VAV2: variants seen among roughly 807,000 people sequenced by gnomAD.
VAV2 encodes vav guanine nucleotide exchange factor 2, also known as guanine nucleotide exchange factor VAV2.
In VAV2, 67 loss-of-function variants were observed where a neutral mutation model predicts 132.5. The observed-to-expected ratio is 0.51, with a 90% CI of 0.42 to 0.62. The LOEUF is 0.62. Among genes scored for constraint, VAV2 ranks in the 20% least tolerant of loss-of-function variants. The probability of loss-of-function intolerance (pLI) is 0.00; values close to 1 mark genes in which losing one functional copy is unlikely to be tolerated. For missense variants in VAV2, 938 were observed against 1,153.6 expected, an observed-to-expected ratio of 0.81 and a Z score of 2.71; for synonymous variants, 492 against 443.5, an observed-to-expected ratio of 1.11 and a Z score of -1.37.
At chr9:133,874,662 A>G (rs113395479) in intron 2 of VAV2, among the ~76,000 whole-genome samples, 2,703 of 151,062 alleles carry the variant, frequency 0.018, 46 homozygotes, top group African/African-American at 0.028. Flanking sequence ...ACACCACCCC[A>G]CTCTCTACAC....
At chr9:133,917,147 A>G (rs55820454) in intron 2 of VAV2, among the ~76,000 whole-genome samples, 11,082 of 151,280 alleles carry the variant, frequency 0.073, 801 homozygotes, top group African/African-American at 0.19. Context: ...GGCCTATGAC[A>G]GCCTAGCCCT....
At chr9:133,925,893 T>C (rs1588379435) in intron 2 of VAV2, 1 of 151,984 alleles carries the variant, frequency 6.6e-6, no homozygotes, top group East Asian at 1.9e-4. Flanking sequence ...TTGGCTTTTT[T>C]GCTGCAAACA....
chr9:133,791,946 TGGG>T, intron 12 of VAV2, 77 bp from the exon 13 acceptor site: 3 of 376,086 alleles, frequency 8.0e-6, no homozygotes, highest in Non-Finnish European at 1.1e-5. Context: ...CAGGCTGTAC[TGGG>T]TGGGGTGTGT....
At chr9:133,893,414 T>C (rs1839061038) in intron 2 of VAV2, among the ~76,000 whole-genome samples, 1 of 152,110 alleles carries the variant, frequency 6.6e-6, no homozygotes, top group African/African-American at 2.4e-5. Context: ...AGCGCCACGG[T>C]GGGGCAGCGT....
chr9:133,796,697 G>T (rs189611521), intron 10 of VAV2, among the ~76,000 whole-genome samples, 173 bp from the exon 11 acceptor site: 7 of 152,110 alleles, frequency 4.6e-5, no homozygotes, highest in East Asian at 1.9e-4. Flanking sequence ...GTGTGCAGAG[G>T]GGGGGGCTTC....
chr9:133,990,525 G>A (rs1490399629), intron 1 of VAV2, among the ~76,000 whole-genome samples: 2 of 152,154 alleles, frequency 1.3e-5, no homozygotes, highest in Non-Finnish European at 2.9e-5. Context: ...TCCTCTGTGC[G>A]GACCCAGCTG....
At chr9:133,882,006 C>A (rs1485368326) in intron 2 of VAV2, among the ~76,000 whole-genome samples, 2 of 152,186 alleles carry the variant, frequency 1.3e-5, no homozygotes, top group Admixed American at 1.3e-4. Flanking sequence ...AAGGTTTCAA[C>A]CTAGTCTCCA....
At chr9:133,864,332 C>T (rs765027282) in intron 2 of VAV2, among the ~76,000 whole-genome samples, 3 of 152,216 alleles carry the variant, frequency 2.0e-5, no homozygotes, top group Non-Finnish European at 4.4e-5. Flanking sequence ...CCACCTGCAC[C>T]GCCAGCTCCC....
rs751818867 is a variant in VAV2 at position 133,779,884 on chromosome 9, G to C, written c.1762+34C>G. On this transcript the variant is annotated intron_variant, in intron 21 of 29. Transcript: ENST00000371850. ...AGCTCCCAGGTGATGGCTGACATGG[G>C]TGATAGCAGAGGGCCCAGGTCCAGA... 3.7e-6 allele frequency: 6 copies of C among 1,607,868 alleles called. No individual in the cohort carries two copies. In the East Asian group the frequency reaches 1.3e-4, roughly 36 times the overall value.
chr9:133,880,272 C>T (rs924288055), intron 2 of VAV2, among the ~76,000 whole-genome samples: 7 of 152,238 alleles, frequency 4.6e-5, no homozygotes, highest in South Asian at 2.1e-4. Context: ...GCAGGCAGCA[C>T]GGGGAGGGAG....
chr9:133,788,310 A>G lies in VAV2; in HGVS notation c.1407+44T>C. On this transcript the variant is annotated intron_variant, in intron 15 of 29. Transcript: ENST00000371850. The surrounding 1 kb of genome is among the most constrained non-coding windows in gnomAD (Gnocchi z 5.3). Reference sequence around the variant, plus strand: ...GGAACCCAGTGCCTCTCTCCAGGCCACCCCCACGTTCCTGGGTAGCAGGGG... The same window carrying G: ...GGAACCCAGTGCCTCTCTCCAGGCCGCCCCCACGTTCCTGGGTAGCAGGGG... The G allele has an allele frequency of 7.5e-7, 1 of 1,340,236 alleles. No homozygotes were observed. The highest frequency in any genetic ancestry group is 1.0e-6 in the Non-Finnish European group (1 of 1,002,552). The allele number at this position is 1,340,236 out of a possible 1,614,324, so 83.0% of individuals were successfully genotyped here. A position where few individuals can be genotyped will look rare whatever the true frequency, so the allele number is the denominator to read the frequency against.
rs1311910717 is a variant in VAV2 at position 133,776,175 on chromosome 9, C to T, written c.1966-95G>A. On this transcript the variant is annotated intron_variant, in intron 23 of 29. Coordinates refer to ENST00000371850, the MANE Select transcript of VAV2 (RefSeq NM_001134398.2). Reference sequence around the variant, plus strand: ...ATTGTCAGTGACTGCCCTGTCCCCACATTGGCTGCCCTGGAGGGGACTGTC... The same window carrying T: ...ATTGTCAGTGACTGCCCTGTCCCCATATTGGCTGCCCTGGAGGGGACTGTC... The T allele has an allele frequency of 5.9e-6, 9 of 1,524,764 alleles. No homozygotes were observed. The African/African-American group carries it at 1.2e-4, about 21-fold the overall frequency. 94.5% of individuals were successfully genotyped at this position (1,524,764 alleles called of 1,614,324 possible).
rs899553498 is a variant in VAV2 at position 133,942,556 on chromosome 9, G to A, written c.205-3337C>T. Among the ~76,000 whole-genome samples the A allele has an allele frequency of 3.9e-5, 6 of 152,392 alleles. No homozygotes were observed. In the South Asian group the frequency reaches 1.0e-3, roughly 26 times the overall value. Reference sequence around the variant, plus strand: ...CATGTGCTGCAGCTTCCAGCCTGGCGTGACTATTTTTTGAATATGGCTTGT... The same window carrying A: ...CATGTGCTGCAGCTTCCAGCCTGGCATGACTATTTTTTGAATATGGCTTGT... On this transcript the variant is annotated intron_variant, in intron 1 of 29. Transcript: ENST00000371850.
At chr9:133,920,342 G>A (rs1395255052) in intron 2 of VAV2, among the ~76,000 whole-genome samples, 2 of 152,226 alleles carry the variant, frequency 1.3e-5, no homozygotes, top group Non-Finnish European at 1.5e-5. Flanking sequence ...AGCTGAGGGC[G>A]CTTTTCGCCA....
chr9:133,934,162 T>C (rs13296066), intron 2 of VAV2, among the ~76,000 whole-genome samples: 3,603 of 152,106 alleles, frequency 0.024, 126 homozygotes, highest in African/African-American at 0.081. Context: ...AATGAACGAA[T>C]AAATGAATGC....
At position 133,776,058 on chromosome 9, in the gene VAV2, G is replaced by T; in HGVS notation, c.1988C>A (p.Ser663Tyr). The T allele has an allele frequency of 1.9e-6, 3 of 1,613,276 alleles. No homozygotes were observed. ...DGRPPISRPP[S>Y]REIDYTAYPW... Reference sequence around the variant, plus strand: ...GTATGCAGTGTAGTCGATCTCCCGGGATGGCGGCCGGCTGATGGGCGGCTG... The same window carrying T: ...GTATGCAGTGTAGTCGATCTCCCGGTATGGCGGCCGGCTGATGGGCGGCTG... The change falls in exon 24 of 30, where the codon TCC becomes TAC. Residue 663 changes from serine to tyrosine, a missense_variant. By Grantham distance (144) the Ser-to-Tyr change is moderately radical (BLOSUM62 -2). Coordinates refer to ENST00000371850, the MANE Select transcript of VAV2 (RefSeq NM_001134398.2).
At chr9:133,877,818 T>C (rs897810744) in intron 2 of VAV2, among the ~76,000 whole-genome samples, 9 of 151,954 alleles carry the variant, frequency 5.9e-5, no homozygotes, top group Non-Finnish European at 1.0e-4. Flanking sequence ...AATAACTGTA[T>C]CTCTAACACT....
chr9:133,874,383 CT>C (rs943995747), intron 2 of VAV2, among the ~76,000 whole-genome samples: 1 of 152,220 alleles, frequency 6.6e-6, no homozygotes, highest in African/African-American at 2.4e-5. Flanking sequence ...CCTCCCTCCC[CT>C]GTCCACCAGG....
Position 133,970,050 on chromosome 9 carries a change from G to A in VAV2, c.204+22025C>T, listed in dbSNP as rs192828561. On this transcript the variant is annotated intron_variant, in intron 1 of 29. Coordinates refer to ENST00000371850, the MANE Select transcript of VAV2 (RefSeq NM_001134398.2). ...TCTGCACCCCCTGGCCTCAGCACCCGCTGCTCCTGCCATCCTGGTCCTCCA... is the reference window on the plus strand; with the variant it reads ...TCTGCACCCCCTGGCCTCAGCACCCACTGCTCCTGCCATCCTGGTCCTCCA... 3.2e-3 allele frequency among the ~76,000 whole-genome samples: 492 copies of A among 152,082 alleles called. 1 individual carries two copies. The highest frequency in any genetic ancestry group is 6.4e-3 in the South Asian group (31 of 4,814).
Sources: allele counts gnomAD v4.1 joint callset (sites outside exome capture counted in the v4.1 genomes callset), GRCh38; gene constraint gnomAD v4.1.1; non-coding constraint Gnocchi (gnomAD v3.1); transcripts MANE v1.5; gene names NCBI Gene and HGNC (gene_info 2026-07-23, HGNC 2026-07-21).